The following DNAAF9 variants were observed in gnomAD, a reference collection of about 807,000 sequenced individuals.
DNAAF9 encodes shulin.
DNAAF9 carries 90 observed loss-of-function variants against 167.0 expected under a neutral mutation model. The observed-to-expected ratio is 0.54, with a 90% CI of 0.45 to 0.64. The LOEUF (loss-of-function observed/expected upper bound fraction) is 0.64, where lower values mean the gene tolerates loss of function less well. Ranked by LOEUF, DNAAF9 falls within the 30% of genes least tolerant of loss-of-function variation. The pLI is 0.00. For missense variants in DNAAF9, 1,315 were observed against 1,442.2 expected, an observed-to-expected ratio of 0.91 and a Z score of 1.43; for synonymous variants, 491 against 508.8, an observed-to-expected ratio of 0.96 and a Z score of 0.47.
chr20:3,312,146 G>A (rs949916445), intron 20 of DNAAF9, among the ~76,000 whole-genome samples: 8 of 152,096 alleles, frequency 5.3e-5, no homozygotes, highest in East Asian at 1.9e-4. Flanking sequence ...GCGTCACCAC[G>A]CCTGGCTAAT....
chr20:3,330,346 G>A (rs1215864405), intron 12 of DNAAF9, among the ~76,000 whole-genome samples: 1 of 152,026 alleles, frequency 6.6e-6, no homozygotes, highest in Non-Finnish European at 1.5e-5. Flanking sequence ...AGGCTTAAGT[G>A]ATCCTCCCAC....
At chr20:3,266,599 T>A (rs1165252925) in intron 30 of DNAAF9, among the ~76,000 whole-genome samples, 1 of 151,992 alleles carries the variant, frequency 6.6e-6, no homozygotes, top group Non-Finnish European at 1.5e-5. Flanking sequence ...TGCCTCAGCC[T>A]CCTGAGTAGC....
At chr20:3,353,114 T>C (rs1232278968) in intron 7 of DNAAF9, among the ~76,000 whole-genome samples, 1 of 148,976 alleles carries the variant, frequency 6.7e-6, no homozygotes, top group African/African-American at 2.5e-5. Flanking sequence ...TACAGATATA[T>C]ATAACATATA....
At chr20:3,373,983 A>C (rs1479080550) in intron 6 of DNAAF9, 65 bp downstream of exon 6, 2 of 978,558 alleles carry the variant, frequency 2.0e-6, no homozygotes, top group Non-Finnish European at 3.3e-6. Context: ...GCACACTCAC[A>C]TGGGTTCTTC....
At chr20:3,277,945 G>A (rs1172694350) in intron 29 of DNAAF9, among the ~76,000 whole-genome samples, 1 of 152,196 alleles carries the variant, frequency 6.6e-6, no homozygotes, top group Non-Finnish European at 1.5e-5. Context: ...TCAGCAGGAT[G>A]AAACTGTGCT....
chr20:3,383,836 T>TGAG (rs2083696652), intron 1 of DNAAF9, among the ~76,000 whole-genome samples: 1 of 150,860 alleles, frequency 6.6e-6, no homozygotes, highest in East Asian at 1.9e-4. Context: ...TCTCACTCTG[T>TGAG]CGCCCAGGCT....
intron 6 of DNAAF9, among the ~76,000 whole-genome samples, chr20:3,363,590 C>A: frequency 6.7e-6 from 1 of 149,122 alleles, no homozygotes; most frequent in African/African-American, 2.5e-5. Context: ...TGGTGGCTCA[C>A]ATCTGTAATC....
chr20:3,401,945 A>T (rs902828350), intron 1 of DNAAF9, among the ~76,000 whole-genome samples: 1 of 152,198 alleles, frequency 6.6e-6, no homozygotes, highest in African/African-American at 2.4e-5. Flanking sequence ...CAGCACGGGA[A>T]ATCCTTAATC....
chr20:3,300,723 TAA>T (rs2069170771), intron 21 of DNAAF9, among the ~76,000 whole-genome samples: 2 of 146,036 alleles, frequency 1.4e-5, no homozygotes, highest in Admixed American at 6.8e-5. Flanking sequence ...ATAATAATAA[TAA>T]TAATTTTTTG....
intron 11 of DNAAF9, among the ~76,000 whole-genome samples, chr20:3,330,954 G>A (rs139149770): frequency 0.013 from 1,924 of 152,032 alleles, 17 homozygotes; most frequent in Non-Finnish European, 0.021. Flanking sequence ...ACCATGCCCC[G>A]CTAATTTTTG....
At chr20:3,337,781 C>T (rs2069991608) in intron 10 of DNAAF9, among the ~76,000 whole-genome samples, 1 of 151,872 alleles carries the variant, frequency 6.6e-6, no homozygotes, top group Non-Finnish European at 1.5e-5. Flanking sequence ...CCCATGTCCT[C>T]CCTCCTGTGT....
intron 3 of DNAAF9, 27 bp downstream of exon 3, chr20:3,381,350 TCA>T (rs2083650048): frequency 1.3e-6 from 2 of 1,564,072 alleles, no homozygotes; most frequent in Non-Finnish European, 8.7e-7. Context: ...TACTCTTCTA[TCA>T]CACAGAGTTT....
intron 1 of DNAAF9, among the ~76,000 whole-genome samples, chr20:3,406,302 C>G (rs1430528194): frequency 2.6e-5 from 4 of 152,128 alleles, no homozygotes. Flanking sequence ...AGTACCATAA[C>G]AAGAATATAA....
chr20:3,392,869 T>C (rs1172831260), intron 1 of DNAAF9, among the ~76,000 whole-genome samples: 1 of 152,224 alleles, frequency 6.6e-6, no homozygotes, highest in Non-Finnish European at 1.5e-5. Flanking sequence ...GTCTTGAATG[T>C]TTTACAAAGT....
chr20:3,394,804 C>T (rs1034549471), intron 1 of DNAAF9, among the ~76,000 whole-genome samples: 2 of 151,856 alleles, frequency 1.3e-5, no homozygotes, highest in African/African-American at 4.8e-5. Context: ...AGGAATACTG[C>T]GCTTAAAAAA....
chr20:3,390,659 C>T (rs2083814838), intron 1 of DNAAF9, among the ~76,000 whole-genome samples: 1 of 152,138 alleles, frequency 6.6e-6, no homozygotes, highest in Non-Finnish European at 1.5e-5. Context: ...GGTGCCACGC[C>T]TGGCCTCTCA....
rs1399715805 is a variant in DNAAF9, at chr20:3,326,168, C to T, written c.1188+29G>A. ...ATGTTTTACATTAAAATAATAATTA[C>T]AGAAAGGGAAACATGGTATTTAAAT... On this transcript the variant is annotated intron_variant, in intron 13 of 36. Transcript: ENST00000252032. 2.9e-6 allele frequency: 4 copies of T among 1,393,804 alleles called. No individual in the cohort carries two copies. In the South Asian group the frequency reaches 4.7e-5, roughly 16 times the overall value. 86.3% of individuals were successfully genotyped at this position (1,393,804 alleles called of 1,614,324 possible).
At chr20:3,372,625 C>T (rs1375668385) in intron 6 of DNAAF9, among the ~76,000 whole-genome samples, 1 of 152,214 alleles carries the variant, frequency 6.6e-6, no homozygotes, top group East Asian at 1.9e-4. Flanking sequence ...TATGTGGCCT[C>T]CCAGTGCACT....
At chr20:3,266,955 C>T (rs931782260) in intron 30 of DNAAF9, among the ~76,000 whole-genome samples, 12 of 151,472 alleles carry the variant, frequency 7.9e-5, no homozygotes, top group Non-Finnish European at 1.8e-4. Context: ...TGGGTTCAAG[C>T]CATTCTCCTG....
Sources: gnomAD v4.1 joint callset for allele counts (sites outside exome capture counted in the v4.1 genomes callset) on GRCh38, gnomAD v4.1.1 for gene constraint, MANE v1.5 for transcripts, NCBI Gene and HGNC (gene_info 2026-07-23, HGNC 2026-07-21) for gene names.